TAOK3: variants seen among roughly 807,000 people sequenced by gnomAD.
TAOK3 encodes the protein TAO kinase 3.
TAOK3 carries 40 observed loss-of-function variants against 120.4 expected under a neutral mutation model. The observed-to-expected ratio is 0.33, with a 90% CI of 0.26 to 0.43. The LOEUF is 0.43. TAOK3 is among the 20% of genes least tolerant of loss of function. The pLI is 1.00. For missense variants in TAOK3, 821 were observed against 1,112.1 expected (o/e 0.74, Z 3.72); for synonymous variants, 355 against 387.5 (o/e 0.92, Z 0.99).
intron 20 of TAOK3, 116 bp from the exon 21 acceptor site, chr12:118,151,274 GAAGTGCGCGCGCGCGCACA>G: frequency 2.2e-6 from 2 of 904,686 alleles, no homozygotes; most frequent in Non-Finnish European, 3.2e-6. Flanking sequence ...GCACACACAT[GAAGTGCGCGCGCGCGCACA>G]CACACACACA....
At chr12:118,215,114 C>T (rs1214880221) in intron 9 of TAOK3, among the ~76,000 whole-genome samples, 2 of 150,224 alleles carry the variant, frequency 1.3e-5, no homozygotes, top group East Asian at 2.0e-4. Context: ...CTCCTGACCT[C>T]GTGATCCACC....
At chr12:118,236,693 A>G (rs2040030759) in intron 7 of TAOK3, 1 of 152,152 alleles carries the variant, frequency 6.6e-6, no homozygotes, top group Admixed American at 6.5e-5. Flanking sequence ...GGCAGACAGA[A>G]CTAAAAAAAA....
intron 9 of TAOK3, among the ~76,000 whole-genome samples, 200 bp downstream of exon 9, chr12:118,233,474 G>T (rs2039878173): frequency 6.6e-6 from 1 of 151,546 alleles, no homozygotes; most frequent in Non-Finnish European, 1.5e-5. Context: ...TGAAAATGTA[G>T]CAGAGAGAAA....
chr12:118,298,447 A>C (rs957559404), intron 1 of TAOK3, among the ~76,000 whole-genome samples: 35 of 152,236 alleles, frequency 2.3e-4, no homozygotes, highest in African/African-American at 8.0e-4. Context: ...AGAGCAAAAC[A>C]GTAAGTGTTA....
chr12:118,334,263 T>C (rs535840166), intron 1 of TAOK3, among the ~76,000 whole-genome samples: 2 of 152,216 alleles, frequency 1.3e-5, no homozygotes, highest in East Asian at 3.9e-4. Context: ...TTGTGGTATA[T>C]ATATGTAGTA....
intron 1 of TAOK3, among the ~76,000 whole-genome samples, chr12:118,369,980 T>G (rs1337963777): frequency 2.0e-5 from 3 of 151,868 alleles, no homozygotes; most frequent in African/African-American, 7.3e-5. Flanking sequence ...GTTCAAGCGA[T>G]TCCTCTGCCT....
At chr12:118,340,647 A>T (rs1228847124) in intron 1 of TAOK3, among the ~76,000 whole-genome samples, 1 of 152,124 alleles carries the variant, frequency 6.6e-6, no homozygotes, top group Non-Finnish European at 1.5e-5. Flanking sequence ...ACTGCCTCAT[A>T]CCCAGCTTTA....
At chr12:118,326,797 A>G (rs923688337) in intron 1 of TAOK3, among the ~76,000 whole-genome samples, 4 of 152,188 alleles carry the variant, frequency 2.6e-5, no homozygotes, top group African/African-American at 9.7e-5. Context: ...TTATAAAGGT[A>G]ATACGTGTTC....
At chr12:118,262,967 A>G (rs948985913) in intron 2 of TAOK3, among the ~76,000 whole-genome samples, 1 of 152,248 alleles carries the variant, frequency 6.6e-6, no homozygotes, top group Non-Finnish European at 1.5e-5. Flanking sequence ...AGAAGACTCA[A>G]CATTTTTTAA....
At chr12:118,347,098 G>A (rs1049715639) in intron 1 of TAOK3, among the ~76,000 whole-genome samples, 15 of 152,058 alleles carry the variant, frequency 9.9e-5, no homozygotes, top group Admixed American at 3.9e-4. Context: ...TTGACTGCCC[G>A]TGCTCAAGTG....
chr12:118,220,099 A>G (rs2039157996), intron 9 of TAOK3, among the ~76,000 whole-genome samples: 1 of 147,854 alleles, frequency 6.8e-6, no homozygotes, highest in South Asian at 2.1e-4. Context: ...GTAGACATAA[A>G]GTCTCATTAT....
At chr12:118,199,293 C>T (rs1247441811) in intron 12 of TAOK3, 36 bp from the exon 13 acceptor site, 1 of 1,520,790 alleles carries the variant, frequency 6.6e-7, no homozygotes, top group South Asian at 1.1e-5. Flanking sequence ...GAAAAAAAGA[C>T]TGAAGATAAA....
chr12:118,293,964 G>A (rs1056043908), intron 1 of TAOK3, among the ~76,000 whole-genome samples: 4 of 151,620 alleles, frequency 2.6e-5, no homozygotes, highest in Admixed American at 6.6e-5. Flanking sequence ...GCGGTGAGCC[G>A]AGATCATGCC....
chr12:118,190,037 T>C, intron 13 of TAOK3, 96 bp from the exon 14 acceptor site: 3 of 1,508,986 alleles, frequency 2.0e-6, no homozygotes, highest in Non-Finnish European at 1.8e-6. Flanking sequence ...AGCACTGCTG[T>C]TTGAAATGCA....
intron 9 of TAOK3, among the ~76,000 whole-genome samples, chr12:118,224,331 C>T (rs1442124335): frequency 6.6e-6 from 1 of 152,226 alleles, no homozygotes; most frequent in Non-Finnish European, 1.5e-5. Context: ...ATAACCCCTT[C>T]TCCCCAACAA....
At chr12:118,258,896 T>C (rs1456962070) in intron 2 of TAOK3, among the ~76,000 whole-genome samples, 1 of 152,150 alleles carries the variant, frequency 6.6e-6, no homozygotes, top group Non-Finnish European at 1.5e-5. Context: ...ATAATTAAAA[T>C]ATTTTCAATC....
chr12:118,191,615 A>C (rs1443641326), intron 13 of TAOK3, among the ~76,000 whole-genome samples: 2 of 152,196 alleles, frequency 1.3e-5, no homozygotes, highest in Non-Finnish European at 2.9e-5. Flanking sequence ...AAATATTTGA[A>C]AGGTCAGTTA....
At chr12:118,258,433 GC>G (rs1432454945) in intron 2 of TAOK3, among the ~76,000 whole-genome samples, 1 of 152,144 alleles carries the variant, frequency 6.6e-6, no homozygotes, top group Non-Finnish European at 1.5e-5. Context: ...TCAAAAACTG[GC>G]CGGGCGCAGT....
At chr12:118,266,561 T>C (rs1245001727) in intron 2 of TAOK3, 94 bp downstream of exon 2, 4 of 394,320 alleles carry the variant, frequency 1.0e-5, no homozygotes, top group African/African-American at 2.1e-5. Flanking sequence ...CTTTCCCTTT[T>C]ATTTTTCTTT....
Sources: gnomAD v4.1 joint callset for allele counts (sites outside exome capture counted in the v4.1 genomes callset) on GRCh38, gnomAD v4.1.1 for gene constraint, MANE v1.5 for transcripts, NCBI Gene and HGNC (gene_info 2026-07-23, HGNC 2026-07-21) for gene names.